The following CHST9 variants were observed in gnomAD, a reference collection of about 807,000 sequenced individuals.
CHST9 encodes GalNAc-4-sulfotransferase 2.
CHST9 carries 41 observed loss-of-function variants against 44.4 expected under a neutral mutation model. The ratio of observed to expected loss-of-function variants is 0.92; its 90% CI spans 0.72 to 1.20. CHST9 has a LOEUF of 1.20. CHST9 is among the 50% of genes most tolerant of loss of function. The pLI is 0.00. For missense variants in CHST9, 504 were observed against 516.5 expected, an observed-to-expected ratio of 0.98 and a Z score of 0.23; for synonymous variants, 171 against 178.4, an observed-to-expected ratio of 0.96 and a Z score of 0.33.
chr18:27,056,052 T>A (rs916559937), intron 2 of CHST9, among the ~76,000 whole-genome samples: 3 of 152,126 alleles, frequency 2.0e-5, no homozygotes, highest in African/African-American at 7.2e-5. Flanking sequence ...TTTAAAAAAA[T>A]TTTCTGCAGA....
intron 1 of CHST9, among the ~76,000 whole-genome samples, chr18:27,157,986 T>C (rs2058711223): frequency 1.3e-5 from 2 of 152,162 alleles, no homozygotes; most frequent in South Asian, 4.2e-4. Context: ...TGATCTCTAC[T>C]CCCTCATCAA....
intron 5 of CHST9, among the ~76,000 whole-genome samples, chr18:26,919,559 C>T (rs924798085): frequency 1.2e-4 from 18 of 152,238 alleles, no homozygotes; most frequent in Admixed American, 1.2e-3. Flanking sequence ...GCAGCAGCAG[C>T]AGTAGTAGTA....
chr18:27,175,777 T>C (rs1327631570), intron 1 of CHST9, among the ~76,000 whole-genome samples: 1 of 152,048 alleles, frequency 6.6e-6, no homozygotes, highest in East Asian at 1.9e-4. Context: ...GGCGTTGTAG[T>C]ATTTGTTAGG....
At chr18:27,169,598 CTTTTTTTTTTTT>C (rs1156859087) in intron 1 of CHST9, among the ~76,000 whole-genome samples, 1 of 82,188 alleles carries the variant, frequency 1.2e-5, no homozygotes, top group East Asian at 4.1e-4. Flanking sequence ...ATATATTCTT[CTTTTTTTTTTTT>C]TTTTTTTTTT....
intron 3 of CHST9, among the ~76,000 whole-genome samples, chr18:27,042,947 T>C (rs2143538956): frequency 6.6e-6 from 1 of 152,216 alleles, no homozygotes; most frequent in South Asian, 2.1e-4. Context: ...ATAATTTCTC[T>C]GTGGTGATGA....
chr18:27,014,422 C>T (rs924399151), intron 4 of CHST9, among the ~76,000 whole-genome samples: 4 of 135,228 alleles, frequency 3.0e-5, no homozygotes, highest in African/African-American at 1.2e-4. Context: ...CCACTGCACT[C>T]CAGCCTGGGC....
chr18:27,051,676 A>T (rs2057568849), intron 2 of CHST9, among the ~76,000 whole-genome samples: 1 of 152,168 alleles, frequency 6.6e-6, no homozygotes, highest in Non-Finnish European at 1.5e-5. Flanking sequence ...TCTGGGCAAC[A>T]TGTTGACTGT....
chr18:26,947,931 T>C (rs2056189282), intron 4 of CHST9, among the ~76,000 whole-genome samples: 1 of 152,142 alleles, frequency 6.6e-6, no homozygotes, highest in South Asian at 2.1e-4. Flanking sequence ...CATTCTACTA[T>C]AAAGACACAT....
intron 2 of CHST9, among the ~76,000 whole-genome samples, chr18:27,126,197 G>T (rs1001743726): frequency 1.3e-5 from 2 of 152,286 alleles, no homozygotes; most frequent in Non-Finnish European, 2.9e-5. Flanking sequence ...AAGTTTGGAG[G>T]TTGCTACATG....
intron 3 of CHST9, among the ~76,000 whole-genome samples, chr18:27,044,475 A>G (rs1225305561): frequency 6.6e-6 from 1 of 152,024 alleles, no homozygotes; most frequent in Non-Finnish European, 1.5e-5. Context: ...TCTAACTGGA[A>G]TAATGATTCT....
At chr18:27,164,322 G>GAA (rs34425276) in intron 1 of CHST9, among the ~76,000 whole-genome samples, 84 of 121,590 alleles carry the variant, frequency 6.9e-4, no homozygotes, top group Non-Finnish European at 1.0e-3. Context: ...AAATCAGAAA[G>GAA]AAAAAAAAAA....
At position 26,916,388 on chromosome 18, in the gene CHST9, G is replaced by A. The variant is rs375278353; in HGVS notation, c.1203C>T (p.Ser401=). ...KFPNFKDRHS[S]DERTNAQVVR... Reference sequence around the variant, plus strand: ...CGACTTGAGCATTGGTTCTTTCATCGGAAGAGTGCCTATCCTTAAAGTTGG... The same window carrying A: ...CGACTTGAGCATTGGTTCTTTCATCAGAAGAGTGCCTATCCTTAAAGTTGG... Residue 401 remains serine (S), a synonymous_variant, in exon 6 of 6, where the codon TCC becomes TCT. Coordinates refer to ENST00000618847, the MANE Select transcript of CHST9 (RefSeq NM_031422.6). The A allele has an allele frequency of 2.5e-4, 396 of 1,613,660 alleles. 1 individual carries two copies. Among genetic ancestry groups the A allele is most frequent in the Middle Eastern group, 1.8e-3 (11 of 6,058 alleles).
chr18:27,121,482 T>A (rs2058373954), intron 2 of CHST9, among the ~76,000 whole-genome samples: 1 of 152,112 alleles, frequency 6.6e-6, no homozygotes, highest in South Asian at 2.1e-4. Context: ...ATCAGAATAT[T>A]TATTTCTGTG....
intron 2 of CHST9, among the ~76,000 whole-genome samples, chr18:27,077,567 G>A (rs936310898): frequency 2.0e-5 from 3 of 152,054 alleles, no homozygotes; most frequent in East Asian, 1.9e-4. Context: ...GTGGGGGAGG[G>A]AGCCTCTTTC....
At chr18:26,988,906 C>T (rs570167954) in intron 4 of CHST9, among the ~76,000 whole-genome samples, 2 of 151,970 alleles carry the variant, frequency 1.3e-5, no homozygotes, top group Admixed American at 1.3e-4. Flanking sequence ...ATCTAAATAA[C>T]ACAAAGGTCA....
intron 2 of CHST9, among the ~76,000 whole-genome samples, chr18:27,134,912 T>C (rs1343323079): frequency 6.6e-6 from 1 of 152,106 alleles, no homozygotes; most frequent in Non-Finnish European, 1.5e-5. Context: ...GGGGAGATAG[T>C]CAGAAAACAA....
intron 4 of CHST9, among the ~76,000 whole-genome samples, chr18:26,964,865 C>A (rs1249364820): frequency 6.6e-6 from 1 of 152,086 alleles, no homozygotes; most frequent in African/African-American, 2.4e-5. Context: ...ATGAAGCAAA[C>A]AGGATGAGGA....
intron 2 of CHST9, among the ~76,000 whole-genome samples, chr18:27,092,543 G>T (rs944247817): frequency 6.6e-6 from 1 of 152,020 alleles, no homozygotes; most frequent in Admixed American, 6.5e-5. Context: ...GTGTTAGGGT[G>T]TTGATTTTAG....
intron 2 of CHST9, among the ~76,000 whole-genome samples, chr18:27,134,690 A>C (rs1008385878): frequency 2.0e-5 from 3 of 152,172 alleles, no homozygotes; most frequent in Admixed American, 1.3e-4. Flanking sequence ...TATTTATATA[A>C]TTCTCTTATA....
Sources: allele counts gnomAD v4.1 joint callset (sites outside exome capture counted in the v4.1 genomes callset), GRCh38; gene constraint gnomAD v4.1.1; transcripts MANE v1.5; gene names NCBI Gene and HGNC (gene_info 2026-07-23, HGNC 2026-07-21).